The following RGS5 variants were observed in gnomAD, a reference collection of about 807,000 sequenced individuals.
The protein encoded by RGS5 is regulator of G protein signaling 5.
A neutral mutation model predicts 18.9 loss-of-function variants in RGS5; 20 were observed. That is an observed-to-expected ratio of 1.06 (90% confidence interval 0.74 to 1.54). The LOEUF (loss-of-function observed/expected upper bound fraction) is 1.54, where lower values mean the gene tolerates loss of function less well. Among genes scored for constraint, RGS5 ranks in the 40% most tolerant of loss-of-function variants. The pLI is 0.00. For synonymous variants in RGS5, 57 were observed against 76.2 expected (o/e 0.75, Z 1.31); for missense variants, 201 against 211.8 (o/e 0.95, Z 0.32).
At chr1:163,320,548 C>T (rs1650165923) in intron 1 of RGS5, among the ~76,000 whole-genome samples, 1 of 152,146 alleles carries the variant, frequency 6.6e-6, no homozygotes, top group African/African-American at 2.4e-5. Flanking sequence ...TTCCCTGCCT[C>T]TAAGGACATA....
intron 1 of RGS5, among the ~76,000 whole-genome samples, chr1:163,189,219 T>C (rs985070303): frequency 6.6e-6 from 1 of 152,118 alleles, no homozygotes; most frequent in Admixed American, 6.5e-5. Context: ...CGTGGCAAAA[T>C]TAAATGACAA....
intron 1 of RGS5, among the ~76,000 whole-genome samples, chr1:163,312,096 C>T (rs1253686696): frequency 1.3e-5 from 2 of 152,162 alleles, no homozygotes; most frequent in Non-Finnish European, 2.9e-5. Flanking sequence ...GGCTGGATCA[C>T]GGGGGTGGTT....
At chr1:163,255,831 C>T (rs12736414) in intron 2 of RGS5, among the ~76,000 whole-genome samples, 11,480 of 151,848 alleles carry the variant, frequency 0.076, 1,096 homozygotes, top group African/African-American at 0.23. Flanking sequence ...AAATGTAATC[C>T]AGCATATAAA....
At chr1:163,240,799 G>A (rs1343493369) in intron 2 of RGS5, among the ~76,000 whole-genome samples, 2 of 152,190 alleles carry the variant, frequency 1.3e-5, no homozygotes, top group African/African-American at 2.4e-5. Context: ...TTACAGGTGT[G>A]AGCCACTGCA....
At chr1:163,270,492 C>G (rs1050474974) in intron 2 of RGS5, among the ~76,000 whole-genome samples, 1 of 151,744 alleles carries the variant, frequency 6.6e-6, no homozygotes, top group Non-Finnish European at 1.5e-5. Flanking sequence ...TGCACTCCAG[C>G]CTGGGCAAGA....
chr1:163,243,386 A>C (rs1647842077), intron 2 of RGS5, among the ~76,000 whole-genome samples: 1 of 152,008 alleles, frequency 6.6e-6, no homozygotes, highest in Admixed American at 6.5e-5. Flanking sequence ...GGTGGCTCAC[A>C]TCTGTAATCC....
chr1:163,211,117 T>C (rs528077529), intron 1 of RGS5: 3 of 152,220 alleles, frequency 2.0e-5, no homozygotes, highest in Non-Finnish European at 4.4e-5. Context: ...AAGATCATGA[T>C]GTCAGAGAAG....
chr1:163,217,784 G>T, upstream of RGS5: 1 of 710,712 alleles, frequency 1.4e-6, no homozygotes, highest in Non-Finnish European at 2.2e-6. Context: ...TCTGATATGT[G>T]GTTTATTAAA....
chr1:163,285,986 T>C (rs923140611), intron 2 of RGS5, among the ~76,000 whole-genome samples: 1 of 102,302 alleles, frequency 9.8e-6, no homozygotes, highest in African/African-American at 3.3e-5. Context: ...CTCATACAAG[T>C]ATTTAATTTA....
At chr1:163,298,269 TA>T (rs1400912451) in intron 2 of RGS5, among the ~76,000 whole-genome samples, 1 of 152,080 alleles carries the variant, frequency 6.6e-6, no homozygotes, top group Non-Finnish European at 1.5e-5. Context: ...AAACAACAAG[TA>T]AAATTCCAAA....
chr1:163,243,247 C>A (rs1185709751), intron 2 of RGS5, among the ~76,000 whole-genome samples: 1 of 152,066 alleles, frequency 6.6e-6, no homozygotes. Flanking sequence ...ACAGTGAGAA[C>A]ACACGGACAC....
intron 2 of RGS5, chr1:163,237,400 G>A (rs1340432411): frequency 6.5e-6 from 1 of 152,706 alleles, no homozygotes; most frequent in Non-Finnish European, 1.5e-5. Context: ...AACAGCAGAG[G>A]GGGCAGGTGT....
intron 2 of RGS5, among the ~76,000 whole-genome samples, chr1:163,302,691 A>T (rs1330088036): frequency 6.6e-6 from 1 of 152,090 alleles, no homozygotes; most frequent in Admixed American, 6.6e-5. Context: ...CCACAGTCAA[A>T]CCAAATGACT....
At chr1:163,159,094 A>C (rs1657699137) in intron 3 of RGS5, among the ~76,000 whole-genome samples, 1 of 152,212 alleles carries the variant, frequency 6.6e-6, no homozygotes, top group African/African-American at 2.4e-5. Flanking sequence ...TCAGAGTTTA[A>C]GGTTGTCTCC....
intron 1 of RGS5, among the ~76,000 whole-genome samples, chr1:163,176,594 C>T (rs910496101): frequency 6.9e-6 from 1 of 144,322 alleles, no homozygotes; most frequent in Non-Finnish European, 1.5e-5. Context: ...GCACTCCAGT[C>T]TGGGCAACAA....
At chr1:163,320,870 A>C (rs1176903124) in intron 1 of RGS5, among the ~76,000 whole-genome samples, 1 of 152,178 alleles carries the variant, frequency 6.6e-6, no homozygotes, top group Non-Finnish European at 1.5e-5. Context: ...TCTACATTCA[A>C]TACAACCTTT....
intron 1 of RGS5, among the ~76,000 whole-genome samples, chr1:163,176,091 A>G (rs1238265189): frequency 6.6e-6 from 1 of 152,234 alleles, no homozygotes; most frequent in South Asian, 2.1e-4. Context: ...CACAGAAAGC[A>G]CGTTTATCTA....
At chr1:163,173,339 C>A (rs2102406950) in intron 1 of RGS5, among the ~76,000 whole-genome samples, 1 of 152,270 alleles carries the variant, frequency 6.6e-6, no homozygotes, top group East Asian at 1.9e-4. Context: ...GAAGATAATT[C>A]TTTGTCTAGA....
At chr1:163,149,954 A>C (rs956971748) in intron 4 of RGS5, among the ~76,000 whole-genome samples, 5 of 152,238 alleles carry the variant, frequency 3.3e-5, no homozygotes, top group African/African-American at 1.2e-4. Flanking sequence ...ACTGAGGATT[A>C]GAGAGCTTTA....
Sources: gnomAD v4.1 joint callset for allele counts (sites outside exome capture counted in the v4.1 genomes callset) on GRCh38, gnomAD v4.1.1 for gene constraint, MANE v1.5 for transcripts, NCBI Gene and HGNC (gene_info 2026-07-23, HGNC 2026-07-21) for gene names.